The following STK10 variants were observed in gnomAD, a reference collection of about 807,000 sequenced individuals.
STK10 encodes the protein serine/threonine kinase 10, also known as serine/threonine-protein kinase 10.
STK10 carries 78 observed loss-of-function variants against 113.8 expected under a neutral mutation model. The observed-to-expected ratio is 0.69, with a 90% CI of 0.57 to 0.83. The LOEUF (loss-of-function observed/expected upper bound fraction) is 0.83, where lower values mean the gene tolerates loss of function less well. Ranked by LOEUF, STK10 falls within the 40% of genes least tolerant of loss-of-function variation. The pLI, the probability that STK10 is intolerant of heterozygous loss-of-function variation, is 0.00. For synonymous variants in STK10, 465 were observed against 494.7 expected, an observed-to-expected ratio of 0.94 and a Z score of 0.80; for missense variants, 1,109 against 1,280.1, an observed-to-expected ratio of 0.87 and a Z score of 2.04.
intron 7 of STK10, among the ~76,000 whole-genome samples, chr5:172,099,312 G>A (rs778587642): frequency 2.6e-5 from 4 of 152,116 alleles, no homozygotes; most frequent in Admixed American, 6.5e-5. Flanking sequence ...AGGCCAAGGC[G>A]GTGGATCACC....
intron 2 of STK10, among the ~76,000 whole-genome samples, chr5:172,134,523 A>G (rs74827014): frequency 0.012 from 1,857 of 152,316 alleles, 38 homozygotes; most frequent in African/African-American, 0.041. Context: ...CAGATGGACA[A>G]AAATGACACC....
Position 172,090,314 on chromosome 5 carries a change from C to T in STK10, c.1603G>A (p.Val535Met). ...KTLKRTRKFV[V>M]DGVEVSITTS... Reference sequence around the variant, plus strand: ...GTGATGCTCACCTCCACACCATCCACCACAAATTTGCGTGTCCGCTTGAGG... The same window carrying T: ...GTGATGCTCACCTCCACACCATCCATCACAAATTTGCGTGTCCGCTTGAGG... Residue 535 changes from valine (V) to methionine (M), a missense_variant, in exon 10 of 19, where the codon GTG (valine) becomes ATG (methionine). Around this residue, in one of 5 missense-constraint regions of STK10, gnomAD observed 885 missense variants for 991.1 expected, o/e 0.89. Coordinates refer to ENST00000176763, the MANE Select transcript of STK10 (RefSeq NM_005990.4). 1.9e-6 allele frequency: 3 copies of T among 1,614,102 alleles called. No individual in the cohort carries two copies. Among genetic ancestry groups the T allele is most frequent in the South Asian group, 1.1e-5 (1 of 91,058 alleles).
intron 1 of STK10, among the ~76,000 whole-genome samples, chr5:172,163,773 T>C (rs1054705441): frequency 6.6e-6 from 1 of 152,188 alleles, no homozygotes; most frequent in Admixed American, 6.5e-5. Context: ...TCCCATATCA[T>C]AATTCACCCT....
chr5:172,119,907 T>G (rs1769473121), intron 3 of STK10, among the ~76,000 whole-genome samples: 1 of 152,010 alleles, frequency 6.6e-6, no homozygotes. Flanking sequence ...TAATTCCCTC[T>G]AGCACAGCAA....
intron 4 of STK10, chr5:172,108,078 A>C (rs1769156427): frequency 4.5e-6 from 2 of 445,334 alleles, no homozygotes; most frequent in Admixed American, 8.0e-5. Context: ...AGCCTTCAGG[A>C]AAGCAATTTG....
At chr5:172,142,216 C>T (rs1769988515) in intron 2 of STK10, among the ~76,000 whole-genome samples, 1 of 152,042 alleles carries the variant, frequency 6.6e-6, no homozygotes, top group South Asian at 2.1e-4. Context: ...TTAGAGTTGC[C>T]GTGGGACTGA....
intron 2 of STK10, among the ~76,000 whole-genome samples, chr5:172,154,688 T>C (rs570017150): frequency 3.9e-4 from 60 of 152,360 alleles, no homozygotes; most frequent in Admixed American, 5.9e-4. Context: ...CGGAAAAGTC[T>C]AGCGTATTTA....
At chr5:172,160,009 G>A (rs887951333) in intron 1 of STK10, among the ~76,000 whole-genome samples, 5 of 151,462 alleles carry the variant, frequency 3.3e-5, no homozygotes, top group African/African-American at 9.7e-5. Context: ...GGTGGCAGAC[G>A]CCTGTAATCC....
At chr5:172,179,769 G>A (rs747722090) in intron 1 of STK10, among the ~76,000 whole-genome samples, 19 of 152,184 alleles carry the variant, frequency 1.2e-4, no homozygotes, top group Admixed American at 2.0e-4. Flanking sequence ...ATCTCTTTCC[G>A]GAGGAGGAGG....
chr5:172,116,832 C>G (rs773644690), intron 4 of STK10, among the ~76,000 whole-genome samples: 3 of 152,092 alleles, frequency 2.0e-5, no homozygotes, highest in African/African-American at 4.8e-5. Flanking sequence ...TTCGCCACTG[C>G]ACTCCAGCCT....
intron 1 of STK10, among the ~76,000 whole-genome samples, chr5:172,169,009 C>A (rs1403391307): frequency 5.3e-5 from 8 of 152,246 alleles, no homozygotes; most frequent in African/African-American, 1.4e-4. Flanking sequence ...CCGCCATTCC[C>A]TCTCACTCAG....
chr5:172,082,625 C>T lies in STK10; in HGVS notation c.1810-120G>A. The stretch of plus-strand genomic sequence containing the variant: ...TCAGACCTAAGCTTGAATCCCAGCT[C>T]TACTACCCCGTTGCTGTGTGACCTG... On this transcript the variant is annotated intron_variant, in intron 11 of 18. Coordinates refer to ENST00000176763, the MANE Select transcript of STK10 (RefSeq NM_005990.4). The surrounding 1 kb of genome is among the most constrained non-coding windows in gnomAD (Gnocchi z 4.3). 7.7e-7 allele frequency: 1 copy of T among 1,296,664 alleles called. No individual in the cohort carries two copies. Among genetic ancestry groups the T allele is most frequent in the Non-Finnish European group, 1.0e-6 (1 of 962,554 alleles). The allele number at this position is 1,296,664 out of a possible 1,614,324, so 80.3% of individuals were successfully genotyped here.
At chr5:172,145,203 C>G (rs1770059982) in intron 2 of STK10, among the ~76,000 whole-genome samples, 1 of 152,216 alleles carries the variant, frequency 6.6e-6, no homozygotes, top group Non-Finnish European at 1.5e-5. Context: ...CTAAAGCCAG[C>G]TCTGCTAAGG....
intron 1 of STK10, among the ~76,000 whole-genome samples, chr5:172,167,092 A>G (rs1770584856): frequency 6.6e-6 from 1 of 151,798 alleles, no homozygotes; most frequent in Admixed American, 6.6e-5. Context: ...CCTGGGAGGC[A>G]GAGGTTGTGG....
intron 1 of STK10, among the ~76,000 whole-genome samples, chr5:172,185,814 G>A (rs148210063): frequency 2.0e-5 from 3 of 152,356 alleles, no homozygotes; most frequent in East Asian, 1.9e-4. Context: ...AAGAAAAGAC[G>A]TGCTGAGGAC....
At chr5:172,186,481 G>A (rs1205672615) in intron 1 of STK10, among the ~76,000 whole-genome samples, 4 of 151,880 alleles carry the variant, frequency 2.6e-5, no homozygotes, top group East Asian at 3.9e-4. Flanking sequence ...AAAATTAGCC[G>A]GGCTGTGGTG....
rs1266716557 is a variant in STK10 at position 172,056,983 on chromosome 5, GAAAGAAAGAAAGAGAAAGAAGGAA to G, written c.2337+342_2337+365del. ...AGAAAGAAAGAAAGAAAGAAAGAAA[GAAAGAAAGAAAGAGAAAGAAGGAA>G]AGAAAGAAAGAAAGAAAGAAAGAAA... On this transcript the variant is annotated intron_variant, in intron 15 of 18. Transcript: ENST00000176763. 5.0e-3 allele frequency: 504 copies of G among 101,806 alleles called. 4 individuals are homozygous for G. The highest frequency in any genetic ancestry group is 6.4e-3 in the African/African-American group (144 of 22,564). 6.3% of individuals were successfully genotyped at this position (101,806 alleles called of 1,614,324 possible). A position where few individuals can be genotyped will look rare whatever the true frequency, so the allele number is the denominator to read the frequency against.
At position 172,107,771 on chromosome 5, in the gene STK10, A is replaced by G; in HGVS notation, c.593+9T>C. The G allele has an allele frequency of 6.2e-7, 1 of 1,613,896 alleles. No individual in the cohort carries two copies. The highest frequency in any genetic ancestry group is 8.5e-7 in the Non-Finnish European group (1 of 1,179,808). On this transcript the variant is annotated intron_variant, in intron 5 of 18. Coordinates refer to ENST00000176763, the MANE Select transcript of STK10 (RefSeq NM_005990.4). Reference sequence around the variant, plus strand: ...AGTCCATTCCATTTCCAGAAGCTACACGACTCACCAGTAAGGCGTGCCGAT... The same window carrying G: ...AGTCCATTCCATTTCCAGAAGCTACGCGACTCACCAGTAAGGCGTGCCGAT...
chr5:172,099,718 G>A (rs1406152787), intron 7 of STK10, among the ~76,000 whole-genome samples: 3 of 152,106 alleles, frequency 2.0e-5, no homozygotes, highest in Non-Finnish European at 4.4e-5. Context: ...GCTCCACACT[G>A]CGCAATCTAA....
Sources: gnomAD v4.1 joint callset for allele counts (sites outside exome capture counted in the v4.1 genomes callset) on GRCh38, gnomAD v4.1.1 for gene constraint, gnomAD v4.1.1 regional missense constraint, Gnocchi (gnomAD v3.1) non-coding constraint, MANE v1.5 for transcripts, NCBI Gene and HGNC (gene_info 2026-07-23, HGNC 2026-07-21) for gene names.